Variants in CPAMD8 observed in about 807,000 individuals in gnomAD.
CPAMD8 encodes C3 and PZP-like alpha-2-macroglobulin domain-containing protein 8.
In CPAMD8, 146 loss-of-function variants were observed where a neutral mutation model predicts 224.7. The observed-to-expected ratio is 0.65, with a 90% CI of 0.57 to 0.75. CPAMD8 has a LOEUF of 0.75. CPAMD8 is among the 30% of genes least tolerant of loss of function. The probability of loss-of-function intolerance (pLI) is 0.00; values close to 1 mark genes in which losing one functional copy is unlikely to be tolerated. For missense variants in CPAMD8, 2,301 were observed against 2,537.5 expected, an observed-to-expected ratio of 0.91 and a Z score of 2.00; for synonymous variants, 966 against 1,044.6, an observed-to-expected ratio of 0.92 and a Z score of 1.45.
chr19:16,988,621 A>C (rs888789803), intron 13 of CPAMD8, among the ~76,000 whole-genome samples: 17 of 144,578 alleles, frequency 1.2e-4, no homozygotes, highest in African/African-American at 3.8e-4. Flanking sequence ...AAAACAAAAC[A>C]AAAAAAAAAA....
In CPAMD8 at chr19:16,958,081, C is replaced by T. The variant is rs1787633365; in HGVS notation, c.2214-166G>A. 2.0e-5 allele frequency among the ~76,000 whole-genome samples: 3 copies of T among 151,980 alleles called. No individual in the cohort carries two copies. The South Asian group carries it at 6.2e-4, about 32-fold the overall frequency. Reference sequence around the variant, plus strand: ...GGATATAACATGTTAATTCTCTTACCTGGCAGGGTTAACAGTCTACTTGAT... The same window carrying T: ...GGATATAACATGTTAATTCTCTTACTTGGCAGGGTTAACAGTCTACTTGAT... On this transcript the variant is annotated intron_variant, in intron 18 of 41. Coordinates refer to ENST00000443236, the MANE Select transcript of CPAMD8 (RefSeq NM_015692.5).
intron 27 of CPAMD8, among the ~76,000 whole-genome samples, chr19:16,919,920 T>C (rs1308145196): frequency 6.6e-6 from 1 of 152,176 alleles, no homozygotes; most frequent in African/African-American, 2.4e-5. Flanking sequence ...CACATGCTTA[T>C]CCCATGGATC....
At chr19:16,965,106 A>G (rs2054785190) in intron 18 of CPAMD8, among the ~76,000 whole-genome samples, 1 of 152,030 alleles carries the variant, frequency 6.6e-6, no homozygotes, top group Non-Finnish European at 1.5e-5. Context: ...TAAAAATACA[A>G]AAAATTAGCC....
intron 12 of CPAMD8, 100 bp downstream of exon 12, chr19:16,993,316 G>A (rs117301722): frequency 0.011 from 9,898 of 911,138 alleles, 97 homozygotes; most frequent in Non-Finnish European, 0.012. Context: ...GGGCTGGGAC[G>A]GGCTCCAGGC....
intron 14 of CPAMD8, among the ~76,000 whole-genome samples, chr19:16,977,776 G>T (rs1027653715): frequency 1.3e-5 from 2 of 152,152 alleles, no homozygotes; most frequent in Admixed American, 1.3e-4. Flanking sequence ...GCTGGAATTT[G>T]CCTAGAATCA....
At chr19:16,918,678 C>T (rs1272128431) in intron 27 of CPAMD8, among the ~76,000 whole-genome samples, 2 of 151,552 alleles carry the variant, frequency 1.3e-5, no homozygotes. Flanking sequence ...GACTCCTGGC[C>T]TCAAACAATC....
chr19:16,972,482 G>A (rs1373049629), intron 17 of CPAMD8, among the ~76,000 whole-genome samples: 1 of 152,040 alleles, frequency 6.6e-6, no homozygotes, highest in Non-Finnish European at 1.5e-5. Flanking sequence ...GCCCAGGCTG[G>A]AGTGCAGTGG....
intron 2 of CPAMD8, among the ~76,000 whole-genome samples, chr19:17,021,689 A>G (rs1197807753): frequency 4.6e-5 from 7 of 152,126 alleles, no homozygotes; most frequent in African/African-American, 1.4e-4. Flanking sequence ...AAACCCAACA[A>G]AAGGTCAGAG....
At chr19:16,943,189 T>C (rs541346762) in intron 22 of CPAMD8, among the ~76,000 whole-genome samples, 17 of 150,198 alleles carry the variant, frequency 1.1e-4, no homozygotes, top group Admixed American at 4.0e-4. Flanking sequence ...CTAATTTTTG[T>C]ATTTTTAGTA....
chr19:16,949,062 GAGGGAGGAAGGA>G (rs1345149637), intron 20 of CPAMD8, among the ~76,000 whole-genome samples: 119 of 131,502 alleles, frequency 9.0e-4, no homozygotes, highest in Admixed American at 2.6e-3. Flanking sequence ...GGGGGGGAGG[GAGGGAGGAAGGA>G]AGGGAGGAAG....
chr19:16,936,473 G>C (rs886256978), intron 23 of CPAMD8, among the ~76,000 whole-genome samples: 1 of 151,992 alleles, frequency 6.6e-6, no homozygotes, highest in Non-Finnish European at 1.5e-5. Context: ...CGCAATCTTG[G>C]CTCACTGCAA....
chr19:16,914,344 C>T (rs1417436983), intron 29 of CPAMD8, 80 bp downstream of exon 29: 1 of 1,171,954 alleles, frequency 8.5e-7, no homozygotes, highest in Non-Finnish European at 1.3e-6. Flanking sequence ...AAGAAATCAC[C>T]CCTGGCATAA....
chr19:16,895,925 A>ACG (rs771852924), intron 41 of CPAMD8: 320 of 529,638 alleles, frequency 6.0e-4, no homozygotes, highest in African/African-American at 1.3e-3. Flanking sequence ...ACACACACAC[A>ACG]CACGCGCGCG....
At chr19:16,927,868 T>G in intron 25 of CPAMD8, 141 bp downstream of exon 25, 1 of 661,352 alleles carries the variant, frequency 1.5e-6, no homozygotes. Flanking sequence ...CACTGGAAGC[T>G]GCTTGTCAGG....
At chr19:16,903,017 T>C (rs1241776111) in intron 34 of CPAMD8, among the ~76,000 whole-genome samples, 154 bp from the exon 35 acceptor site, 2 of 152,270 alleles carry the variant, frequency 1.3e-5, no homozygotes, top group East Asian at 3.9e-4. Context: ...TTATTCGTTT[T>C]AGCCTTGAAA....
intron 23 of CPAMD8, among the ~76,000 whole-genome samples, chr19:16,933,200 A>T (rs2053593842): frequency 6.6e-6 from 1 of 152,236 alleles, no homozygotes; most frequent in Non-Finnish European, 1.5e-5. Context: ...ATTAACTCAA[A>T]ATGAATCATG....
intron 34 of CPAMD8, 25 bp downstream of exon 34, chr19:16,903,536 C>T: frequency 1.2e-6 from 2 of 1,613,774 alleles, no homozygotes; most frequent in Non-Finnish European, 8.5e-7. Context: ...AGCCCAAGAT[C>T]ACCTCGTGCT....
At chr19:17,008,656 T>C (rs2056560233) in intron 6 of CPAMD8, 97 bp from the exon 7 acceptor site, 2 of 1,325,098 alleles carry the variant, frequency 1.5e-6, no homozygotes, top group African/African-American at 1.5e-5. Context: ...CTCTTGGGCA[T>C]GTCAACCATG....
At position 16,980,674 on chromosome 19, in the gene CPAMD8, C is replaced by A; in HGVS notation, c.1408G>T (p.Ala470Ser). The change falls in exon 14 of 42, where the codon GCC becomes TCC. Residue 470 changes from alanine to serine, a missense_variant. Around this residue, in one of 4 missense-constraint regions of CPAMD8, gnomAD observed 301 missense variants for 406.6 expected, o/e 0.74. Coordinates refer to ENST00000443236, the MANE Select transcript of CPAMD8 (RefSeq NM_015692.5). Reference protein sequence around the residue: ...PSHPLQVGEEAYFSVKSTCPC... With the variant: ...PSHPLQVGEESYFSVKSTCPC... ...CATGTGGACTTCACAGAAAAATAGG[C>A]TTCTTCCCCAACCTATGGAAGACAC... 6.5e-7 allele frequency: 1 copy of A among 1,547,814 alleles called. No individual in the cohort carries two copies. The highest frequency in any genetic ancestry group is 8.7e-7 in the Non-Finnish European group (1 of 1,147,674).
Sources: gnomAD v4.1 joint callset for allele counts (sites outside exome capture counted in the v4.1 genomes callset) on GRCh38, gnomAD v4.1.1 for gene constraint, gnomAD v4.1.1 regional missense constraint, MANE v1.5 for transcripts, NCBI Gene and HGNC (gene_info 2026-07-23, HGNC 2026-07-21) for gene names.